The following DISC1 variants were observed in gnomAD, a reference collection of about 807,000 sequenced individuals.
The protein encoded by DISC1 is DISC1 scaffold protein, also known as disrupted in schizophrenia 1 protein.
In DISC1, 57 loss-of-function variants were observed where a neutral mutation model predicts 84.5. The observed-to-expected ratio is 0.67, with a 90% confidence interval of 0.55 to 0.84. The LOEUF (loss-of-function observed/expected upper bound fraction) is 0.84. Among genes scored for constraint, DISC1 ranks in the 40% least tolerant of loss-of-function variants. The probability of loss-of-function intolerance (pLI) is 0.00; values close to 1 mark genes in which losing one functional copy is unlikely to be tolerated. For synonymous variants in DISC1, 411 were observed against 415.2 expected (o/e 0.99, Z 0.12); for missense variants, 1,000 against 1,057.8 (o/e 0.95, Z 0.76).
Position 231,630,576 on chromosome 1 carries a change from G to A in DISC1, c.67+3642G>A, listed in dbSNP as rs1449652327. Among the ~76,000 whole-genome samples, 1 of 152,048 alleles carries A rather than the reference G, an allele frequency of 6.6e-6. No homozygotes were observed. ...TGGCAGCCACCCTGGGTTGAGGAGGGTCCCCTCCTGGCACAGCTGGAACCA... is the reference window on the plus strand; with the variant it reads ...TGGCAGCCACCCTGGGTTGAGGAGGATCCCCTCCTGGCACAGCTGGAACCA... On this transcript the variant is annotated intron_variant, in intron 1 of 12. Transcript: ENST00000439617. This position sits in a 1 kb window ranked among gnomAD's most constrained non-coding sequence, Gnocchi z 4.4.
chr1:231,771,383 T>C, intron 6 of DISC1: 2 of 985,360 alleles, frequency 2.0e-6, no homozygotes, highest in Non-Finnish European at 2.4e-6. Flanking sequence ...GGAATTCAAT[T>C]GGTTAGAGAT....
intron 9 of DISC1, among the ~76,000 whole-genome samples, chr1:231,898,713 C>T (rs1400678012): frequency 5.9e-5 from 9 of 152,158 alleles, no homozygotes; most frequent in African/African-American, 2.2e-4. Context: ...AGGTGGAACA[C>T]TTGAGGCCAG....
chr1:231,778,115 T>C (rs2077097928), intron 6 of DISC1, among the ~76,000 whole-genome samples: 1 of 152,196 alleles, frequency 6.6e-6, no homozygotes, highest in Non-Finnish European at 1.5e-5. Flanking sequence ...GTGTGCCTAG[T>C]GTTGCCTGAT....
intron 2 of DISC1, among the ~76,000 whole-genome samples, chr1:231,697,832 C>T (rs1453274480): frequency 6.6e-6 from 1 of 152,104 alleles, no homozygotes; most frequent in Non-Finnish European, 1.5e-5. Context: ...AAGTTCAGAC[C>T]AGATGACATT....
At chr1:231,983,606 AGGGGGTTG>A (rs1439446749) in intron 10 of DISC1, among the ~76,000 whole-genome samples, 2 of 27,312 alleles carry the variant, frequency 7.3e-5, no homozygotes, top group Admixed American at 9.7e-4. Flanking sequence ...AGTAGGGGAG[AGGGGGTTG>A]GGGGGTTGGG....
At chr1:231,658,170 T>C (rs1477762934) in intron 1 of DISC1, among the ~76,000 whole-genome samples, 1 of 152,224 alleles carries the variant, frequency 6.6e-6, no homozygotes. Context: ...CAATGGTTTG[T>C]AGTTCTCCTT....
intron 6 of DISC1, among the ~76,000 whole-genome samples, chr1:231,789,209 C>A (rs760204044): frequency 2.6e-5 from 4 of 152,112 alleles, no homozygotes; most frequent in Non-Finnish European, 5.9e-5. Context: ...CAAAGACTTG[C>A]AGGTGGGAGG....
chr1:231,752,246 A>C (rs985766144), intron 4 of DISC1, among the ~76,000 whole-genome samples: 2 of 152,318 alleles, frequency 1.3e-5, no homozygotes, highest in African/African-American at 4.8e-5. Flanking sequence ...GAAAGAAGTT[A>C]ATTGTCTCAT....
chr1:231,806,197 G>T (rs1004151664), intron 8 of DISC1, among the ~76,000 whole-genome samples: 1 of 152,212 alleles, frequency 6.6e-6, no homozygotes, highest in African/African-American at 2.4e-5. Flanking sequence ...GCTAGTGATT[G>T]TTAGCCATGC....
intron 4 of DISC1, among the ~76,000 whole-genome samples, chr1:231,758,647 A>T (rs2075366586): frequency 6.6e-6 from 1 of 152,150 alleles, no homozygotes; most frequent in Non-Finnish European, 1.5e-5. Flanking sequence ...GGAAATTTCT[A>T]CCTCAATATC....
chr1:232,009,559 A>C lies in DISC1; in HGVS notation c.2307+510A>C. ...CATTAATTGTTTTTACCAAAACCAG[A>C]TCATAATGAATGTTTATAATGTTCT... On this transcript the variant is annotated intron_variant, in intron 11 of 12. Coordinates refer to ENST00000439617, the MANE Select transcript of DISC1 (RefSeq NM_018662.3). The surrounding 1 kb of genome is among the most constrained non-coding windows in gnomAD (Gnocchi z 4.6). 1.1e-6 allele frequency: 1 copy of C among 918,262 alleles called. No homozygotes were observed. The highest frequency in any genetic ancestry group is 5.1e-5 in the South Asian group (1 of 19,756). The allele number at this position is 918,262 out of a possible 1,614,324, so 56.9% of individuals were successfully genotyped here.
At chr1:231,906,785 G>A (rs1230367296) in intron 9 of DISC1, among the ~76,000 whole-genome samples, 1 of 151,784 alleles carries the variant, frequency 6.6e-6, no homozygotes, top group African/African-American at 2.4e-5. Context: ...GGTAAAACAG[G>A]AGCTGCGTAC....
At chr1:231,628,245 T>G (rs566798829) in intron 1 of DISC1, among the ~76,000 whole-genome samples, 1 of 152,326 alleles carries the variant, frequency 6.6e-6, no homozygotes, top group Admixed American at 6.5e-5. Context: ...GTGGACAAGA[T>G]ACCCGCTTTT....
In DISC1 at chr1:232,009,457, T is replaced by TTTAA. The variant is rs111846808; in HGVS notation, c.2307+411_2307+412insATTA. 65,229 of 577,696 alleles carry TTTAA rather than the reference T, an allele frequency of 0.11. 8,813 individuals carry two copies. The highest frequency in any genetic ancestry group is 0.51 in the African/African-American group (24,936 of 48,514). The allele number at this position is 577,696 out of a possible 1,614,324, so 35.8% of individuals were successfully genotyped here. A position where few individuals can be genotyped will look rare whatever the true frequency, so the allele number is the denominator to read the frequency against. The stretch of plus-strand genomic sequence containing the variant: ...TATGTATTGTATGTCATATATGATG[T>TTTAA]TTATATATTTAGAATCTATATATTA... On this transcript the variant is annotated intron_variant, in intron 11 of 12. Transcript: ENST00000439617. This position sits in a 1 kb window ranked among gnomAD's most constrained non-coding sequence, Gnocchi z 4.6.
chr1:231,894,829 C>T (rs2087556181), intron 9 of DISC1, among the ~76,000 whole-genome samples: 1 of 145,640 alleles, frequency 6.9e-6, no homozygotes, highest in East Asian at 2.3e-4. Context: ...TTGTTTCTTT[C>T]TGAATTAATA....
rs778774454 is a variant in DISC1, at chr1:232,008,798, C to T, written c.2056C>T (p.Leu686=). 1.3e-6 allele frequency: 2 copies of T among 1,571,838 alleles called. No individual in the cohort carries two copies. Among genetic ancestry groups the T allele is most frequent in the East Asian group, 2.2e-5 (1 of 44,456 alleles). The part of the protein sequence containing the change: ...KNKLCSCKCP[L]LGKVWEADLE... ...TCTCTGTCTCAGCTGCAAGTGTCCA[C>T]TGCTTGGGAAAGTGTGGGAAGCTGA... is the stretch of plus-strand genomic sequence containing the variant. Residue 686 remains leucine, a synonymous_variant, in exon 11 of 13, where the codon CTG becomes TTG. Transcript: ENST00000439617.
intron 10 of DISC1, among the ~76,000 whole-genome samples, chr1:231,976,771 C>G (rs1662871539): frequency 6.6e-6 from 1 of 152,146 alleles, no homozygotes; most frequent in African/African-American, 2.4e-5. Flanking sequence ...GGCACAAATA[C>G]CTTTTAGAGG....
chr1:231,946,681 T>A (rs1489298344), intron 9 of DISC1, among the ~76,000 whole-genome samples: 1 of 152,180 alleles, frequency 6.6e-6, no homozygotes, highest in Non-Finnish European at 1.5e-5. Flanking sequence ...TGTCTCTGTT[T>A]GCAGATGACA....
chr1:231,824,063 C>T (rs932011497), intron 9 of DISC1, among the ~76,000 whole-genome samples: 3 of 152,088 alleles, frequency 2.0e-5, no homozygotes, highest in African/African-American at 7.2e-5. Flanking sequence ...TAACTTAGCA[C>T]CTAAAAAGTG....
Sources: allele counts gnomAD v4.1 joint callset (sites outside exome capture counted in the v4.1 genomes callset), GRCh38; gene constraint gnomAD v4.1.1; non-coding constraint Gnocchi (gnomAD v3.1); transcripts MANE v1.5; gene names NCBI Gene and HGNC (gene_info 2026-07-23, HGNC 2026-07-21).